PKD1L1: variants seen among roughly 807,000 people sequenced by gnomAD.
PKD1L1 encodes polycystin 1 like 1, transient receptor potential channel interacting, also known as polycystin-1-like protein 1.
A neutral mutation model predicts 323.4 loss-of-function variants in PKD1L1; 236 were observed. The ratio of observed to expected loss-of-function variants is 0.73; its 90% confidence interval spans 0.66 to 0.81. PKD1L1 has a LOEUF of 0.81. PKD1L1 is among the 40% of genes least tolerant of loss of function. The probability of loss-of-function intolerance (pLI) is 0.00; values close to 1 mark genes in which losing one functional copy is unlikely to be tolerated. For missense variants in PKD1L1, 3,320 were observed against 3,508.0 expected, an observed-to-expected ratio of 0.95 and a Z score of 1.35; for synonymous variants, 1,344 against 1,335.0, an observed-to-expected ratio of 1.01 and a Z score of -0.15.
intron 4 of PKD1L1, among the ~76,000 whole-genome samples, chr7:47,934,734 G>A (rs1347073304): frequency 2.0e-5 from 3 of 152,120 alleles, no homozygotes; most frequent in Non-Finnish European, 4.4e-5. Context: ...AAAGTAAAGG[G>A]CCTCAGAACA....
In PKD1L1 at chr7:47,840,525, T is replaced by C; in HGVS notation, c.5488A>G (p.Lys1830Glu). ...LCGDNGLSETKELSCPEKPLF... is the reference protein window; with the variant it reads ...LCGDNGLSETEELSCPEKPLF... Reference sequence around the variant, plus strand: ...GGCTTCTCTGGACAGGAGAGCTCCTTGGTTTCTGACAGTCCATTGTCGCCA... The same window carrying C: ...GGCTTCTCTGGACAGGAGAGCTCCTCGGTTTCTGACAGTCCATTGTCGCCA... Residue 1830 changes from lysine to glutamate, a missense_variant, in exon 35 of 57, where the codon AAG becomes GAG. Lys to Glu is a moderately conservative substitution (Grantham distance 56). Coordinates refer to ENST00000289672, the MANE Select transcript of PKD1L1 (RefSeq NM_138295.5). The surrounding 1 kb of genome is among the most constrained non-coding windows in gnomAD (Gnocchi z 4.1). The C allele has an allele frequency of 6.2e-7, 1 of 1,614,194 alleles. No individual in the cohort carries two copies. Among genetic ancestry groups the C allele is most frequent in the South Asian group, 1.1e-5 (1 of 91,080 alleles).
chr7:47,786,626 C>G (rs73329455), intron 56 of PKD1L1, among the ~76,000 whole-genome samples: 3 of 152,324 alleles, frequency 2.0e-5, no homozygotes, highest in Non-Finnish European at 2.9e-5. Flanking sequence ...TCCTGCCTTA[C>G]GCAATGGTAT....
intron 26 of PKD1L1, among the ~76,000 whole-genome samples, chr7:47,863,156 G>A (rs777814069): frequency 9.9e-5 from 15 of 152,152 alleles, no homozygotes; most frequent in Admixed American, 6.5e-5. Flanking sequence ...AAAGGACTCC[G>A]GTGACACCTG....
intron 22 of PKD1L1, 79 bp downstream of exon 22, chr7:47,877,399 CTGTCCATTCCT>C: frequency 6.6e-7 from 1 of 1,516,226 alleles, no homozygotes; most frequent in South Asian, 1.2e-5. Flanking sequence ...AAGGACATTG[CTGTCCATTCCT>C]ACAGCACCCG....
chr7:47,920,988 A>C (rs1787523573), intron 7 of PKD1L1, among the ~76,000 whole-genome samples: 1 of 152,224 alleles, frequency 6.6e-6, no homozygotes, highest in Non-Finnish European at 1.5e-5. Flanking sequence ...TTAGGTAAGG[A>C]TTTCATGACC....
At chr7:47,876,981 T>C (rs1786419053) in intron 22 of PKD1L1, among the ~76,000 whole-genome samples, 2 of 152,094 alleles carry the variant, frequency 1.3e-5, no homozygotes, top group South Asian at 4.1e-4. Context: ...GGTTTCACCA[T>C]GTTGGCCAGG....
At chr7:47,885,616 A>G in intron 18 of PKD1L1, 70 bp downstream of exon 18, 1 of 1,538,484 alleles carries the variant, frequency 6.5e-7, no homozygotes, top group Non-Finnish European at 8.7e-7. Context: ...TACCCACCAG[A>G]TTCACTGCTT....
At position 47,842,372 on chromosome 7, in the gene PKD1L1, C is replaced by G. The variant is rs372794252; in HGVS notation, c.5445+590G>C. 5.9e-5 allele frequency among the ~76,000 whole-genome samples: 9 copies of G among 152,264 alleles called. No homozygotes were observed. In the East Asian group the frequency reaches 1.7e-3, roughly 29 times the overall value. On this transcript the variant is annotated intron_variant, in intron 34 of 56. Transcript: ENST00000289672. ...CAATCCTATTGCTTCCATAAAGTAA[C>G]CATGGTTCCCTCGGGAAATGGAAGC...
intron 4 of PKD1L1, among the ~76,000 whole-genome samples, chr7:47,935,394 G>A (rs930623341): frequency 2.6e-5 from 4 of 152,050 alleles, no homozygotes; most frequent in Non-Finnish European, 5.9e-5. Flanking sequence ...ATTTCCGGGG[G>A]ACAGACAGAC....
rs558614947 is a variant in PKD1L1 at position 47,788,144 on chromosome 7, C to T, written c.8526+4483G>A. Among the ~76,000 whole-genome samples the T allele has an allele frequency of 1.2e-4, 18 of 151,688 alleles. No individual in the cohort carries two copies. In the South Asian group the frequency reaches 3.5e-3, roughly 30 times the overall value. Reference sequence around the variant, plus strand: ...CTATTTTTTTTAAAAATATCGATTTCATTTTTATTAAGAATATGTTTTAAT... The same window carrying T: ...CTATTTTTTTTAAAAATATCGATTTTATTTTTATTAAGAATATGTTTTAAT... On this transcript the variant is annotated intron_variant, in intron 56 of 56. Coordinates refer to ENST00000289672, the MANE Select transcript of PKD1L1 (RefSeq NM_138295.5).
At chr7:47,947,076 C>T (rs895875774) in intron 1 of PKD1L1, among the ~76,000 whole-genome samples, 1 of 152,046 alleles carries the variant, frequency 6.6e-6, no homozygotes, top group Non-Finnish European at 1.5e-5. Context: ...CATGAGGTAA[C>T]CAGAAAAAAT....
Position 47,804,475 on chromosome 7 carries a change from T to A in PKD1L1, c.7828-1131A>T, listed in dbSNP as rs574813127. On this transcript the variant is annotated intron_variant, in intron 52 of 56. Transcript: ENST00000289672. ...GAGATATTTTACATTTTTAATTTTT[T>A]TTTTTTTTTTTTTTGAGAGAGAGTC... Among the ~76,000 whole-genome samples, 7 of 145,552 alleles carry A rather than the reference T, an allele frequency of 4.8e-5. No individual in the cohort carries two copies. The East Asian group carries it at 9.9e-4, about 21-fold the overall frequency.
intron 26 of PKD1L1, among the ~76,000 whole-genome samples, chr7:47,863,233 A>G (rs1786070951): frequency 1.3e-5 from 2 of 152,036 alleles, no homozygotes; most frequent in Non-Finnish European, 1.5e-5. Flanking sequence ...TAGGAGGAAC[A>G]CGGGGTTGGA....
At chr7:47,820,552 C>T (rs886203351) in intron 46 of PKD1L1, among the ~76,000 whole-genome samples, 1 of 152,072 alleles carries the variant, frequency 6.6e-6, no homozygotes, top group Admixed American at 6.6e-5. Flanking sequence ...TGGTGAAACC[C>T]CATCTCTGCT....
Position 47,859,750 on chromosome 7 carries a change from C to T in PKD1L1, c.4150-865G>A, listed in dbSNP as rs141451093. On this transcript the variant is annotated intron_variant, in intron 26 of 56. Coordinates refer to ENST00000289672, the MANE Select transcript of PKD1L1 (RefSeq NM_138295.5). ...TAAGCAATTCTCTGCCTCAGCCTCC[C>T]GAGTAGCTGGGATCACAGGCACCCA... is the stretch of plus-strand genomic sequence containing the variant. Among the ~76,000 whole-genome samples, 7 of 152,074 alleles carry T rather than the reference C, an allele frequency of 4.6e-5. No homozygotes were observed. In the East Asian group the frequency reaches 1.4e-3, roughly 29 times the overall value.
At chr7:47,885,590 A>G in intron 18 of PKD1L1, 96 bp downstream of exon 18, 2 of 1,467,544 alleles carry the variant, frequency 1.4e-6, no homozygotes, top group South Asian at 1.3e-5. Flanking sequence ...GCCCATGTTG[A>G]TGTGATCTCA....
chr7:47,913,361 G>A lies in PKD1L1; in HGVS notation c.1228+2071C>T, dbSNP rs116749150. On this transcript the variant is annotated intron_variant, in intron 8 of 56. Coordinates refer to ENST00000289672, the MANE Select transcript of PKD1L1 (RefSeq NM_138295.5). ...TAGAACCGGAACTAAGACTAATGTG[G>A]GAAAGCAGGTTGATATGATTTGGAT... Among the ~76,000 whole-genome samples, 1,288 of 152,264 alleles carry A rather than the reference G, an allele frequency of 8.5e-3. 18 individuals are homozygous for A. Among genetic ancestry groups the A allele is most frequent in the African/African-American group, 0.029 (1,207 of 41,552 alleles).
intron 56 of PKD1L1, among the ~76,000 whole-genome samples, chr7:47,777,746 A>G (rs182550440): frequency 6.6e-6 from 1 of 152,320 alleles, no homozygotes; most frequent in East Asian, 1.9e-4. Flanking sequence ...TTTTCACATA[A>G]GCAGGGGGAA....
chr7:47,855,339 A>T (rs1785875631), intron 28 of PKD1L1, 74 bp from the exon 29 acceptor site: 7 of 1,074,618 alleles, frequency 6.5e-6, no homozygotes, highest in Non-Finnish European at 9.7e-6. Context: ...AGCAAACCAA[A>T]GTATCGTGGT....
Sources: gnomAD v4.1 joint callset for allele counts (sites outside exome capture counted in the v4.1 genomes callset) on GRCh38, gnomAD v4.1.1 for gene constraint, Gnocchi (gnomAD v3.1) non-coding constraint, MANE v1.5 for transcripts, NCBI Gene and HGNC (gene_info 2026-07-23, HGNC 2026-07-21) for gene names.